The following CERS6 variants were observed in gnomAD, a reference collection of about 807,000 sequenced individuals.
The protein encoded by CERS6 is ceramide synthase 6, also known as LAG1 homolog, ceramide synthase 6.
A neutral mutation model predicts 56.8 loss-of-function variants in CERS6; 26 were observed. That is an observed-to-expected ratio of 0.46 (90% CI 0.34 to 0.63). The LOEUF (loss-of-function observed/expected upper bound fraction) is 0.63. Among genes scored for constraint, CERS6 ranks in the 30% least tolerant of loss-of-function variants. The pLI, the probability that CERS6 is intolerant of heterozygous loss-of-function variation, is 0.01. For missense variants in CERS6, 415 were observed against 467.5 expected (o/e 0.89, Z 1.04); for synonymous variants, 164 against 173.3 (o/e 0.95, Z 0.42).
chr2:168,574,829 C>T (rs948204447), intron 3 of CERS6, among the ~76,000 whole-genome samples: 1 of 152,094 alleles, frequency 6.6e-6, no homozygotes, highest in African/African-American at 2.4e-5. Context: ...TCTATTAAAT[C>T]CCCAAATGTT....
intron 8 of CERS6, among the ~76,000 whole-genome samples, chr2:168,741,178 A>C (rs1383142636): frequency 1.3e-5 from 2 of 152,080 alleles, no homozygotes; most frequent in Non-Finnish European, 2.9e-5. Context: ...ACTCACTCTA[A>C]CCTCTTACTG....
chr2:168,544,080 G>A (rs1695419649), intron 1 of CERS6, among the ~76,000 whole-genome samples: 1 of 152,178 alleles, frequency 6.6e-6, no homozygotes, highest in South Asian at 2.1e-4. Context: ...TAAATGAAAA[G>A]ATGCTATGAC....
chr2:168,620,576 G>T (rs1467186571), intron 3 of CERS6, among the ~76,000 whole-genome samples: 6 of 151,996 alleles, frequency 3.9e-5, no homozygotes, highest in Non-Finnish European at 8.8e-5. Context: ...CCCATTGTCA[G>T]ATAAAGAAAC....
chr2:168,493,670 C>T (rs146829677), intron 1 of CERS6, among the ~76,000 whole-genome samples: 24 of 152,120 alleles, frequency 1.6e-4, no homozygotes, highest in African/African-American at 4.6e-4. Flanking sequence ...AGCTGAACAC[C>T]AATAACCCAC....
At chr2:168,509,443 A>T (rs1311651681) in intron 1 of CERS6, among the ~76,000 whole-genome samples, 1 of 152,162 alleles carries the variant, frequency 6.6e-6, no homozygotes, top group African/African-American at 2.4e-5. Context: ...TCCAGTTTTT[A>T]TATTGAAAAA....
rs546636945 is a variant in CERS6 at position 168,759,428 on chromosome 2, A to G, written c.846-6164A>G. ...GCCATCTAGTGGTTAAGTGAGCCTA[A>G]CATGAATGAAAAGAAAAATGGTCTC... is the stretch of plus-strand genomic sequence containing the variant. On this transcript the variant is annotated intron_variant, in intron 8 of 9. Coordinates refer to ENST00000305747, the MANE Select transcript of CERS6 (RefSeq NM_203463.3). Among the ~76,000 whole-genome samples the G allele has an allele frequency of 1.3e-3, 201 of 152,338 alleles. 1 individual carries two copies. Among genetic ancestry groups the G allele is most frequent in the Middle Eastern group, 0.01 (3 of 294 alleles).
intron 4 of CERS6, among the ~76,000 whole-genome samples, chr2:168,666,891 A>G (rs1360432735): frequency 6.6e-6 from 1 of 152,182 alleles, no homozygotes; most frequent in Admixed American, 6.5e-5. Context: ...AAGGGCTCAA[A>G]CGAGTTCTCA....
chr2:168,473,826 A>G (rs1694021067), intron 1 of CERS6, among the ~76,000 whole-genome samples: 1 of 152,202 alleles, frequency 6.6e-6, no homozygotes, highest in Admixed American at 6.5e-5. Flanking sequence ...AGTAGTTGAT[A>G]TACATGTCCT....
At chr2:168,490,855 C>A (rs1239389620) in intron 1 of CERS6, among the ~76,000 whole-genome samples, 1 of 152,158 alleles carries the variant, frequency 6.6e-6, no homozygotes, top group Non-Finnish European at 1.5e-5. Flanking sequence ...TGTATAATGT[C>A]AACAGACCTT....
In CERS6 at chr2:168,535,050, C is replaced by T. The variant is rs999579246; in HGVS notation, c.171-12546C>T. On this transcript the variant is annotated intron_variant, in intron 1 of 9. Coordinates refer to ENST00000305747, the MANE Select transcript of CERS6 (RefSeq NM_203463.3). ...TCGGGGACACGTCTTGGGACCAAGC[C>T]GTCCAGCCTCCCTGGCTCCAGCAGG... 3.3e-5 allele frequency among the ~76,000 whole-genome samples: 5 copies of T among 152,334 alleles called. No homozygotes were observed. In the East Asian group the frequency reaches 9.6e-4, roughly 29 times the overall value.
chr2:168,463,263 ATG>A (rs1245728963), intron 1 of CERS6, among the ~76,000 whole-genome samples: 1 of 152,194 alleles, frequency 6.6e-6, no homozygotes, highest in Non-Finnish European at 1.5e-5. Flanking sequence ...CTGTATATAT[ATG>A]GTTTTATATT....
intron 3 of CERS6, among the ~76,000 whole-genome samples, chr2:168,601,371 AT>A (rs1683928628): frequency 6.6e-6 from 1 of 152,176 alleles, no homozygotes; most frequent in Non-Finnish European, 1.5e-5. Flanking sequence ...CTTAATTTGC[AT>A]TTATCAATAG....
At chr2:168,515,696 A>G (rs987797903) in intron 1 of CERS6, among the ~76,000 whole-genome samples, 1 of 152,248 alleles carries the variant, frequency 6.6e-6, no homozygotes, top group Non-Finnish European at 1.5e-5. Flanking sequence ...GGAATGCGGT[A>G]TTTTAGAAGT....
At chr2:168,657,055 A>C (rs1423503645) in intron 4 of CERS6, among the ~76,000 whole-genome samples, 1 of 151,982 alleles carries the variant, frequency 6.6e-6, no homozygotes, top group Non-Finnish European at 1.5e-5. Flanking sequence ...CTAGCTACAG[A>C]GTGCCGATTG....
chr2:168,607,403 G>A (rs1684077755), intron 3 of CERS6, among the ~76,000 whole-genome samples: 1 of 152,072 alleles, frequency 6.6e-6, no homozygotes, highest in African/African-American at 2.4e-5. Flanking sequence ...ATTTGTTTGA[G>A]ACGGAGTCTT....
chr2:168,550,483 G>GT (rs1695546617), intron 2 of CERS6, among the ~76,000 whole-genome samples: 1 of 152,100 alleles, frequency 6.6e-6, no homozygotes, highest in Non-Finnish European at 1.5e-5. Flanking sequence ...TGGTCAAGGT[G>GT]TTTTTTATTT....
At chr2:168,595,867 C>T (rs990715475) in intron 3 of CERS6, among the ~76,000 whole-genome samples, 1 of 151,666 alleles carries the variant, frequency 6.6e-6, no homozygotes, top group South Asian at 2.1e-4. Context: ...TTTTGGCAGA[C>T]CTTATTGTTC....
chr2:168,743,330 G>A lies in CERS6; in HGVS notation c.846-22262G>A, dbSNP rs370087243. Among the ~76,000 whole-genome samples, 17 of 152,022 alleles carry A rather than the reference G, an allele frequency of 1.1e-4. No homozygotes were observed. The East Asian group carries it at 3.1e-3, about 28-fold the overall frequency. On this transcript the variant is annotated intron_variant, in intron 8 of 9. Coordinates refer to ENST00000305747, the MANE Select transcript of CERS6 (RefSeq NM_203463.3). ...CAAAGCAACAATGAATTACTAGTTG[G>A]AGCTTTATATATAAGAGTTGTTTGG...
chr2:168,655,614 A>G (rs1418908956), intron 4 of CERS6, among the ~76,000 whole-genome samples: 2 of 152,268 alleles, frequency 1.3e-5, no homozygotes, highest in African/African-American at 4.8e-5. Flanking sequence ...GAAATAAGCC[A>G]AACACAGAAA....
Sources: allele counts gnomAD v4.1 joint callset (sites outside exome capture counted in the v4.1 genomes callset), GRCh38; gene constraint gnomAD v4.1.1; transcripts MANE v1.5; gene names NCBI Gene and HGNC (gene_info 2026-07-23, HGNC 2026-07-21).